The following OPN5 variants were observed in gnomAD, a reference collection of about 807,000 sequenced individuals.
OPN5 encodes the protein opsin-5.
A neutral mutation model predicts 41.7 loss-of-function variants in OPN5; 18 were observed. That is an observed-to-expected ratio of 0.43 (90% CI 0.30 to 0.64). The LOEUF (loss-of-function observed/expected upper bound fraction) is 0.64, where lower values mean the gene tolerates loss of function less well. OPN5 is among the 30% of genes least tolerant of loss of function. The pLI is 0.13. For missense variants in OPN5, 318 were observed against 434.5 expected (o/e 0.73, Z 2.38); for synonymous variants, 178 against 164.3 (o/e 1.08, Z -0.64).
At chr6:47,822,773 A>G (rs1029028935) in intron 6 of OPN5, among the ~76,000 whole-genome samples, 1 of 152,230 alleles carries the variant, frequency 6.6e-6, no homozygotes, top group African/African-American at 2.4e-5. Flanking sequence ...ATGAATTAAC[A>G]TCATTACAGG....
intron 5 of OPN5, 56 bp from the exon 6 acceptor site, chr6:47,811,618 A>G: frequency 8.9e-7 from 1 of 1,127,350 alleles, no homozygotes; most frequent in South Asian, 1.2e-5. Context: ...GTACATATGT[A>G]TTTATGTGTG....
chr6:47,789,960 G>A (rs1472412744), intron 2 of OPN5, among the ~76,000 whole-genome samples: 3 of 151,132 alleles, frequency 2.0e-5, no homozygotes, highest in Admixed American at 6.6e-5. Context: ...CAGGTTATGA[G>A]GTAAAAGTAG....
intron 6 of OPN5, among the ~76,000 whole-genome samples, chr6:47,821,869 C>T (rs1762633833): frequency 6.6e-6 from 1 of 152,096 alleles, no homozygotes; most frequent in African/African-American, 2.4e-5. Context: ...AATCCCAGCA[C>T]TTTGGGAGGC....
In OPN5 at chr6:47,807,072, G is replaced by T. The variant is rs576886704; in HGVS notation, c.757-1082G>T. Reference sequence around the variant, plus strand: ...CTTGGGAGGCTGAGGCAGGAGAATCGCTTGAACCTGGCAGGCAGAGGTTGC... The same window carrying T: ...CTTGGGAGGCTGAGGCAGGAGAATCTCTTGAACCTGGCAGGCAGAGGTTGC... On this transcript the variant is annotated intron_variant, in intron 4 of 6. Coordinates refer to ENST00000371211, the Ensembl canonical transcript of OPN5. 2.6e-5 allele frequency among the ~76,000 whole-genome samples: 4 copies of T among 152,282 alleles called. No homozygotes were observed. The South Asian group carries it at 6.2e-4, about 24-fold the overall frequency.
chr6:47,811,156 G>A (rs751416732), intron 5 of OPN5, among the ~76,000 whole-genome samples: 25 of 152,304 alleles, frequency 1.6e-4, no homozygotes, highest in Admixed American at 1.0e-3. Flanking sequence ...CTCAAATGGA[G>A]AAGAAATGTT....
chr6:47,824,411 G>C (rs1762731681), exon 7 of OPN5: 1 of 212,570 alleles, frequency 4.7e-6, no homozygotes, highest in African/African-American at 2.3e-5. Context: ...TATTGCAGAT[G>C]ATGTACTGGG....
intron 5 of OPN5, among the ~76,000 whole-genome samples, chr6:47,809,893 T>G (rs1774123770): frequency 6.6e-6 from 1 of 152,238 alleles, no homozygotes; most frequent in Non-Finnish European, 1.5e-5. Context: ...CACTTCTTCA[T>G]CTGAAGGAGA....
At chr6:47,784,324 T>G (rs1773147811) in intron 1 of OPN5, among the ~76,000 whole-genome samples, 1 of 150,442 alleles carries the variant, frequency 6.6e-6, no homozygotes, top group South Asian at 2.1e-4. Flanking sequence ...GGACATAGAG[T>G]CTCACTCTGT....
chr6:47,787,537 T>C (rs1434587515), intron 2 of OPN5, among the ~76,000 whole-genome samples: 1 of 152,206 alleles, frequency 6.6e-6, no homozygotes, highest in Non-Finnish European at 1.5e-5. Context: ...GTAATTTGTT[T>C]GAACAGTACA....
rs199594150 is a variant in OPN5, at chr6:47,804,936, T to A, written c.757-3218T>A. Reference sequence around the variant, plus strand: ...AACACGTAAAATGTAGAAAATATTATGGACTAAGTGCTAATCTATTTTTTG... The same window carrying A: ...AACACGTAAAATGTAGAAAATATTAAGGACTAAGTGCTAATCTATTTTTTG... On this transcript the variant is annotated intron_variant, in intron 4 of 6. Coordinates refer to ENST00000371211, the Ensembl canonical transcript of OPN5. Among the ~76,000 whole-genome samples, 12 of 152,344 alleles carry A rather than the reference T, an allele frequency of 7.9e-5. No homozygotes were observed. The East Asian group carries it at 2.3e-3, about 29-fold the overall frequency.
At chr6:47,782,333 AATGGCATT>A in intron 1 of OPN5, 137 bp downstream of exon 1, 1 of 707,852 alleles carries the variant, frequency 1.4e-6, no homozygotes, top group Non-Finnish European at 2.3e-6. Context: ...CAGAAGATGG[AATGGCATT>A]ATGGCATTCA....
At chr6:47,821,982 C>T (rs1317182851) in intron 6 of OPN5, among the ~76,000 whole-genome samples, 7 of 151,984 alleles carry the variant, frequency 4.6e-5, no homozygotes, top group South Asian at 2.1e-4. Flanking sequence ...CGCGGTGGCA[C>T]GTGCCTATAG....
intron 6 of OPN5, among the ~76,000 whole-genome samples, chr6:47,818,738 C>T (rs778338487): frequency 5.9e-5 from 9 of 152,100 alleles, no homozygotes; most frequent in South Asian, 2.1e-4. Flanking sequence ...TGAGATACCT[C>T]GGCAGGCATG....
chr6:47,789,810 CAGTT>C (rs1221084814), intron 2 of OPN5, among the ~76,000 whole-genome samples: 2 of 152,090 alleles, frequency 1.3e-5, no homozygotes, highest in Non-Finnish European at 2.9e-5. Flanking sequence ...CTGTGAATGT[CAGTT>C]ACTTAGCTTT....
chr6:47,813,099 AACAACAACAACAAC>A (rs757889438), intron 6 of OPN5, among the ~76,000 whole-genome samples: 17,864 of 147,936 alleles, frequency 0.12, 1,217 homozygotes, highest in Middle Eastern at 0.15. Flanking sequence ...CAACAACAAC[AACAACAACAACAAC>A]AAGCAACAAC....
At chr6:47,813,395 C>A (rs1264801857) in intron 6 of OPN5, among the ~76,000 whole-genome samples, 7 of 152,144 alleles carry the variant, frequency 4.6e-5, no homozygotes, top group African/African-American at 9.7e-5. Flanking sequence ...CCACATAAGT[C>A]ACTTAGCAAT....
chr6:47,797,706 C>T (rs528760407), intron 4 of OPN5, among the ~76,000 whole-genome samples: 1 of 152,326 alleles, frequency 6.6e-6, no homozygotes, highest in Non-Finnish European at 1.5e-5. Flanking sequence ...TGCCATCCCC[C>T]TCACCTCTCT....
chr6:47,810,416 T>A (rs1381600216), intron 5 of OPN5, among the ~76,000 whole-genome samples: 2 of 152,116 alleles, frequency 1.3e-5, no homozygotes, highest in African/African-American at 4.8e-5. Flanking sequence ...TTTCTCTTTG[T>A]TGTTATTAAG....
At chr6:47,825,233 C>T (rs566909125), downstream of OPN5, 2 of 152,118 alleles carry the variant, frequency 1.3e-5, no homozygotes, top group African/African-American at 4.8e-5. Flanking sequence ...GTTAATGTGC[C>T]AAAGTGAGTT....
Sources: gnomAD v4.1 joint callset for allele counts (sites outside exome capture counted in the v4.1 genomes callset) on GRCh38, gnomAD v4.1.1 for gene constraint, MANE v1.5 for transcripts, NCBI Gene and HGNC (gene_info 2026-07-23, HGNC 2026-07-21) for gene names.